Variants in UROC1 observed in about 807,000 individuals in gnomAD.
The protein encoded by UROC1 is urocanate hydratase.
Under a neutral mutation model 89.5 loss-of-function variants are expected in UROC1, and 79 were observed. The ratio of observed to expected loss-of-function variants is 0.88; its 90% CI spans 0.74 to 1.06. UROC1 has a LOEUF of 1.06. Ranked by LOEUF, UROC1 falls within the 50% of genes least tolerant of loss-of-function variation. UROC1 has a pLI of 0.00. For synonymous variants in UROC1, 361 were observed against 354.8 expected, an observed-to-expected ratio of 1.02 and a Z score of -0.20; for missense variants, 885 against 907.8, an observed-to-expected ratio of 0.97 and a Z score of 0.32.
In UROC1 at chr3:126,483,446, A is replaced by G; in HGVS notation, c.1813T>C (p.Phe605Leu). 6.2e-7 allele frequency: 1 copy of G among 1,613,876 alleles called. No homozygotes were observed. Among genetic ancestry groups the G allele is most frequent in the Non-Finnish European group, 8.5e-7 (1 of 1,180,038 alleles). ...VGWGEVINGG[F>L]GLVLDGTPEA... ...GGGGTACCGTCCAGCACGAGGCCGA[A>G]TCCCCCGTTGATCACCTCACCCCTG... is the stretch of plus-strand genomic sequence containing the variant. Residue 605 changes from phenylalanine (F) to leucine (L), a missense_variant, in exon 19 of 20, where the codon TTC becomes CTC. Coordinates refer to ENST00000290868, the MANE Select transcript of UROC1 (RefSeq NM_144639.3).
rs1224330578 is a variant in UROC1, at chr3:126,505,819, C to T, written c.695G>A (p.Arg232Gln). ...AGCCAAGTCCTCGATGCCCAGGTAC[C>T]GACGTGCAGCATTCAACACGGTGAG... ...TVLTVLNAARRYLGIEDLAGK... is the reference protein window; with the variant it reads ...TVLTVLNAARQYLGIEDLAGK... The change falls in exon 8 of 20, where the codon CGG (arginine) becomes CAG (glutamine). Residue 232 changes from arginine to glutamine, a missense_variant. By Grantham distance (43) the Arg-to-Gln change is conservative. Transcript: ENST00000290868. The T allele has an allele frequency of 3.1e-5, 50 of 1,613,720 alleles. No individual in the cohort carries two copies. The highest frequency in any genetic ancestry group is 1.3e-4 in the African/African-American group (10 of 74,934).
intron 1 of UROC1, among the ~76,000 whole-genome samples, chr3:126,513,974 C>T (rs896509239): frequency 6.6e-6 from 1 of 152,162 alleles, no homozygotes; most frequent in African/African-American, 2.4e-5. Context: ...CCTGACACAC[C>T]TCAGACAGCT....
At chr3:126,500,451 C>G (rs956516759) in intron 11 of UROC1, among the ~76,000 whole-genome samples, 2 of 152,112 alleles carry the variant, frequency 1.3e-5, no homozygotes, top group Non-Finnish European at 2.9e-5. Flanking sequence ...ACCCCAGCAT[C>G]TACTTGGCGC....
rs535434248 is a variant in UROC1 at position 126,500,905 on chromosome 3, CCACACACAG to C, written c.966-40_966-32del. ...GAAGCCATGCGGTGGTCAGTGCAAG[CCACACACAG>C]CCTGGGCCCAGAGTCTGGGGCCAGC... On this transcript the variant is annotated intron_variant, in intron 10 of 19. Transcript: ENST00000290868. The C allele has an allele frequency of 1.4e-3, 2,275 of 1,593,958 alleles. 26 individuals are homozygous for C. Among genetic ancestry groups the C allele is most frequent in the Middle Eastern group, 5.5e-4 (3 of 5,474 alleles).
chr3:126,500,001 G>T, intron 12 of UROC1, 56 bp downstream of exon 12: 1 of 1,551,268 alleles, frequency 6.4e-7, no homozygotes. Flanking sequence ...ACTGGCCTGA[G>T]AGGCTGGGCC....
chr3:126,489,233 C>T, intron 17 of UROC1, 43 bp downstream of exon 17: 1 of 1,543,656 alleles, frequency 6.5e-7, no homozygotes, highest in Non-Finnish European at 9.0e-7. Flanking sequence ...TTAATAAAAT[C>T]CAAATCTAAG....
At chr3:126,495,125 T>A (rs566626346) in intron 15 of UROC1, among the ~76,000 whole-genome samples, 209 of 152,144 alleles carry the variant, frequency 1.4e-3, no homozygotes, top group African/African-American at 4.8e-3. Context: ...AGTAACAGGA[T>A]GAAGAACGAC....
chr3:126,516,961 C>T (rs1016986658), intron 1 of UROC1, among the ~76,000 whole-genome samples: 3 of 151,958 alleles, frequency 2.0e-5, no homozygotes, highest in African/African-American at 2.4e-5. Flanking sequence ...GTCTATATAA[C>T]CGTGTCACCT....
chr3:126,490,468 T>C (rs1042306839), intron 16 of UROC1, among the ~76,000 whole-genome samples: 4 of 152,110 alleles, frequency 2.6e-5, no homozygotes, highest in Non-Finnish European at 5.9e-5. Flanking sequence ...AGGGGATCAC[T>C]TGAGGTCAGG....
In UROC1 at chr3:126,510,566, C is replaced by A; in HGVS notation, c.257+98G>T. ...GTCTGGACAGACTGGGTTTCCCCCT[C>A]ACTGCCGACTCCCTCCTTGTTCCTG... On this transcript the variant is annotated intron_variant, in intron 2 of 19. Coordinates refer to ENST00000290868, the MANE Select transcript of UROC1 (RefSeq NM_144639.3). 1.9e-6 allele frequency: 3 copies of A among 1,552,602 alleles called. No individual in the cohort carries two copies. The South Asian group carries it at 3.5e-5, about 18-fold the overall frequency.
At chr3:126,499,674 G>C (rs560155500) in intron 12 of UROC1, among the ~76,000 whole-genome samples, 6 of 152,346 alleles carry the variant, frequency 3.9e-5, no homozygotes, top group Admixed American at 3.9e-4. Context: ...GACAGGGCTG[G>C]GGGGGCTTCC....
chr3:126,492,293 A>G (rs921569315), intron 16 of UROC1, 125 bp downstream of exon 16: 1 of 928,424 alleles, frequency 1.1e-6, no homozygotes, highest in Admixed American at 2.0e-5. Context: ...CTGAGGCCCA[A>G]CGGGGGTGTC....
chr3:126,517,663 G>T lies in UROC1; in HGVS notation c.57C>A (p.Asn19Lys). ...GGGGCACCCCAGCCTGGCGTCCCCG[G>T]TTCTCTGGGAGGGGCCGCAGGGGCA... is the stretch of plus-strand genomic sequence containing the variant. Reference protein sequence around the residue: ...SGLPLRPLPENRGRQAGVPHA... With the variant: ...SGLPLRPLPEKRGRQAGVPHA... Residue 19 changes from asparagine (N) to lysine (K), a missense_variant, in exon 1 of 20, where the codon AAC (asparagine) becomes AAA (lysine). Transcript: ENST00000290868. The T allele has an allele frequency of 6.2e-7, 1 of 1,608,200 alleles. No individual in the cohort carries two copies.
Position 126,508,018 on chromosome 3 carries a change from G to A in UROC1, c.489C>T (p.Gly163=). Residue 163 remains glycine (G), a synonymous_variant, in exon 5 of 20, where the codon GGC becomes GGT. Coordinates refer to ENST00000290868, the MANE Select transcript of UROC1 (RefSeq NM_144639.3). The stretch of plus-strand genomic sequence containing the variant: ...GGGCACTGCGGCTGCTGGGAAAGAG[G>A]CCAAGTGGGTGCCCACTGTACATGA... ...TLVMYSGHPL[G]LFPSSRSAPR... 6.2e-7 allele frequency: 1 copy of A among 1,614,032 alleles called. No individual in the cohort carries two copies. The highest frequency in any genetic ancestry group is 2.2e-5 in the East Asian group (1 of 44,884).
intron 15 of UROC1, 141 bp downstream of exon 15, chr3:126,495,897 A>C: frequency 1.3e-6 from 1 of 784,508 alleles, no homozygotes; most frequent in Non-Finnish European, 2.1e-6. Flanking sequence ...ACAGTCACAC[A>C]GGATCTTGTG....
chr3:126,508,231 C>T, intron 4 of UROC1, 136 bp from the exon 5 acceptor site: 1 of 1,517,594 alleles, frequency 6.6e-7, no homozygotes, highest in Non-Finnish European at 9.1e-7. Flanking sequence ...CTGGTGCCTC[C>T]CTCAACACCA....
At chr3:126,505,128 A>C (rs1936023293) in intron 8 of UROC1, among the ~76,000 whole-genome samples, 1 of 152,068 alleles carries the variant, frequency 6.6e-6, no homozygotes, top group African/African-American at 2.4e-5. Flanking sequence ...GCTTTCTGAG[A>C]CCTCAACAGA....
intron 16 of UROC1, 123 bp downstream of exon 16, chr3:126,492,294 CG>C (rs1935673125): frequency 7.5e-6 from 7 of 933,554 alleles, no homozygotes; most frequent in Non-Finnish European, 8.4e-6. Context: ...TGAGGCCCAA[CG>C]GGGGTGTCTC....
At chr3:126,491,338 C>T (rs1361500836) in intron 16 of UROC1, among the ~76,000 whole-genome samples, 1 of 152,246 alleles carries the variant, frequency 6.6e-6, no homozygotes, top group Non-Finnish European at 1.5e-5. Flanking sequence ...TCTGCTGTGT[C>T]CCTGGTGGTT....
Sources: allele counts gnomAD v4.1 joint callset (sites outside exome capture counted in the v4.1 genomes callset), GRCh38; gene constraint gnomAD v4.1.1; transcripts MANE v1.5; gene names NCBI Gene and HGNC (gene_info 2026-07-23, HGNC 2026-07-21).